Variants in ABCA10 observed in about 807,000 individuals in gnomAD.
ABCA10 encodes the protein ATP-binding cassette sub-family A member 10.
Under a neutral mutation model 187.5 loss-of-function variants are expected in ABCA10, and 169 were observed. The ratio of observed to expected loss-of-function variants is 0.90; its 90% confidence interval spans 0.80 to 1.02. The LOEUF is 1.02. Among genes scored for constraint, ABCA10 ranks in the 50% least tolerant of loss-of-function variants. The probability of loss-of-function intolerance (pLI) is 0.00; values close to 1 mark genes in which losing one functional copy is unlikely to be tolerated. For missense variants in ABCA10, 1,727 were observed against 1,812.4 expected (o/e 0.95, Z 0.86); for synonymous variants, 574 against 601.8 (o/e 0.95, Z 0.68).
Position 69,219,699 on chromosome 17 carries a change from T to A in ABCA10, c.376A>T (p.Ile126Phe), listed in dbSNP as rs886287595. The A allele has an allele frequency of 2.4e-5, 38 of 1,611,802 alleles. No individual in the cohort carries two copies. Among genetic ancestry groups the A allele is most frequent in the Middle Eastern group, 1.6e-4 (1 of 6,076 alleles). The change falls in exon 6 of 39, where the codon ATT becomes TTT. Residue 126 changes from isoleucine to phenylalanine, a missense_variant. Transcript: ENST00000690296. Reference protein sequence around the residue: ...IGINMKIPPFISKGEIMNEWF... With the variant: ...IGINMKIPPFFSKGEIMNEWF... ...TCATTCATAATTTCTCCCTTAGAAA[T>A]GAAAGGTGGTATCTTCATATTTATT...
upstream of ABCA10, among the ~76,000 whole-genome samples, chr17:69,232,105 C>G (rs1227006790): frequency 1.3e-5 from 2 of 151,938 alleles, no homozygotes; most frequent in Non-Finnish European, 2.9e-5. Context: ...TTTTCCATCT[C>G]TTCATTTTCA....
At chr17:69,236,952 A>C (rs76928585) in intron 1 of ABCA10, among the ~76,000 whole-genome samples, 2,822 of 152,318 alleles carry the variant, frequency 0.019, 85 homozygotes, top group African/African-American at 0.063. Context: ...AAATCACTTC[A>C]GTGCAAAATA....
chr17:69,184,880 T>TACAC (rs1190166312), intron 20 of ABCA10, among the ~76,000 whole-genome samples: 63 of 144,540 alleles, frequency 4.4e-4, no homozygotes, highest in Non-Finnish European at 7.4e-4. Flanking sequence ...TGTATATATA[T>TACAC]ACACACACAC....
chr17:69,173,649 GA>G (rs2074312887), intron 25 of ABCA10, among the ~76,000 whole-genome samples: 1 of 152,052 alleles, frequency 6.6e-6, no homozygotes, highest in Non-Finnish European at 1.5e-5. Flanking sequence ...CAACCTTTTA[GA>G]TTTTTTTTAG....
intron 9 of ABCA10, among the ~76,000 whole-genome samples, chr17:69,211,346 T>C (rs1278196566): frequency 0.2 from 5,404 of 27,712 alleles, 231 homozygotes; most frequent in Middle Eastern, 0.34. Context: ...TATATATATA[T>C]ATATATATAT....
At chr17:69,236,595 G>T (rs146436366) in intron 1 of ABCA10, among the ~76,000 whole-genome samples, 247 of 152,286 alleles carry the variant, frequency 1.6e-3, no homozygotes, top group Admixed American at 3.7e-3. Context: ...AACATTACTT[G>T]TGTATGGAAA....
At chr17:69,209,204 AT>A (rs1254403097) in intron 9 of ABCA10, among the ~76,000 whole-genome samples, 36 of 152,358 alleles carry the variant, frequency 2.4e-4, no homozygotes, top group African/African-American at 7.7e-4. Context: ...ATTATCAAAT[AT>A]GAGAGTGCTT....
At chr17:69,243,623 T>TAC (rs1465142460) in intron 1 of ABCA10, among the ~76,000 whole-genome samples, 3 of 152,176 alleles carry the variant, frequency 2.0e-5, no homozygotes, top group Non-Finnish European at 4.4e-5. Flanking sequence ...GAAGGCCAGG[T>TAC]ACAGTGGTTC....
At chr17:69,192,689 G>T in intron 15 of ABCA10, 36 bp from the exon 16 acceptor site, 1 of 1,525,366 alleles carries the variant, frequency 6.6e-7, no homozygotes, top group Non-Finnish European at 9.1e-7. Context: ...ATTATGTGAA[G>T]AGTAATTCCT....
intron 9 of ABCA10, among the ~76,000 whole-genome samples, chr17:69,204,548 C>T (rs1398179208): frequency 6.6e-6 from 1 of 152,186 alleles, no homozygotes; most frequent in African/African-American, 2.4e-5. Flanking sequence ...TCTCATGGAA[C>T]CTTGTGGTAT....
chr17:69,202,440 G>A (rs933227782), intron 9 of ABCA10, among the ~76,000 whole-genome samples: 2 of 152,088 alleles, frequency 1.3e-5, no homozygotes, highest in African/African-American at 4.8e-5. Context: ...AACATATTAA[G>A]AATGTTAAGG....
In ABCA10 at chr17:69,174,782, C is replaced by A. The variant is rs776103290; in HGVS notation, c.2878-5G>T. Reference sequence around the variant, plus strand: ...TAACTGGGATTGAACATTTTTCTGACAAAGAATAGAAGGGATAGAGGAAGG... The same window carrying A: ...TAACTGGGATTGAACATTTTTCTGAAAAAGAATAGAAGGGATAGAGGAAGG... On this transcript the variant is annotated splice_region_variant and splice_polypyrimidine_tract_variant and intron_variant, in intron 23 of 38. Coordinates refer to ENST00000690296, the MANE Select transcript of ABCA10 (RefSeq NM_001377321.1). 4.5e-6 allele frequency: 7 copies of A among 1,569,280 alleles called. No individual in the cohort carries two copies. The highest frequency in any genetic ancestry group is 6.0e-6 in the Non-Finnish European group (7 of 1,163,542).
chr17:69,201,485 T>A lies in ABCA10; in HGVS notation c.1175+15A>T. On this transcript the variant is annotated intron_variant, in intron 10 of 38. Coordinates refer to ENST00000690296, the MANE Select transcript of ABCA10 (RefSeq NM_001377321.1). ...TTACCTATAAGTGTACATAGTCATGTAATTTCTTAGTTACCTTATGGCTTC... is the reference window on the plus strand; with the variant it reads ...TTACCTATAAGTGTACATAGTCATGAAATTTCTTAGTTACCTTATGGCTTC... 1 of 1,557,768 alleles carries A rather than the reference T, an allele frequency of 6.4e-7. No individual in the cohort carries two copies. The highest frequency in any genetic ancestry group is 8.6e-7 in the Non-Finnish European group (1 of 1,157,522).
chr17:69,237,269 AC>A (rs1160488446), intron 1 of ABCA10, among the ~76,000 whole-genome samples: 2 of 152,236 alleles, frequency 1.3e-5, no homozygotes, highest in African/African-American at 4.8e-5. Context: ...ATACTTTTGT[AC>A]ATTCCAGATC....
At chr17:69,202,236 C>A (rs1598112691) in intron 9 of ABCA10, among the ~76,000 whole-genome samples, 1 of 152,204 alleles carries the variant, frequency 6.6e-6, no homozygotes, top group South Asian at 2.1e-4. Flanking sequence ...TCAAGAACTT[C>A]ACTTTTTGGA....
chr17:69,223,576 G>A (rs1478819565), intron 3 of ABCA10: 5 of 365,176 alleles, frequency 1.4e-5, no homozygotes, highest in Non-Finnish European at 2.7e-5. Context: ...CTCACTCAGG[G>A]TGAAATCTAC....
At chr17:69,208,542 C>A (rs2074610432) in intron 9 of ABCA10, among the ~76,000 whole-genome samples, 1 of 151,322 alleles carries the variant, frequency 6.6e-6, no homozygotes, top group South Asian at 2.1e-4. Flanking sequence ...CAATATACAA[C>A]TTATTTCTTC....
At chr17:69,213,972 T>G (rs1201177179) in intron 9 of ABCA10, among the ~76,000 whole-genome samples, 1 of 151,076 alleles carries the variant, frequency 6.6e-6, no homozygotes, top group Non-Finnish European at 1.5e-5. Context: ...TTGTGTTTCC[T>G]TCTTCATATT....
At chr17:69,151,912 C>G (rs950863724) in intron 36 of ABCA10, 131 bp downstream of exon 36, 42 of 1,381,970 alleles carry the variant, frequency 3.0e-5, no homozygotes, top group Non-Finnish European at 4.0e-5. Flanking sequence ...CCTAGCAATC[C>G]TCAAACAGGT....
Sources: allele counts gnomAD v4.1 joint callset (sites outside exome capture counted in the v4.1 genomes callset), GRCh38; gene constraint gnomAD v4.1.1; transcripts MANE v1.5; gene names NCBI Gene and HGNC (gene_info 2026-07-23, HGNC 2026-07-21).